CWH43: variants seen among roughly 807,000 people sequenced by gnomAD.
The protein encoded by CWH43 is PGAP2-interacting protein.
A neutral mutation model predicts 85.7 loss-of-function variants in CWH43; 91 were observed. The observed-to-expected ratio is 1.06, with a 90% CI of 0.90 to 1.26. CWH43 has a LOEUF of 1.26. CWH43 is among the 50% of genes most tolerant of loss of function. CWH43 has a pLI of 0.00. For missense variants in CWH43, 869 were observed against 839.2 expected (o/e 1.04, Z -0.44); for synonymous variants, 323 against 293.6 (o/e 1.10, Z -1.02).
chr4:49,030,522 A>G (rs1397655692), intron 10 of CWH43, among the ~76,000 whole-genome samples: 3 of 152,176 alleles, frequency 2.0e-5, no homozygotes, highest in Admixed American at 6.5e-5. Context: ...CATAAATTGG[A>G]TATTTGAGAA....
chr4:49,053,849 A>T (rs766585027), intron 15 of CWH43, among the ~76,000 whole-genome samples: 1 of 152,172 alleles, frequency 6.6e-6, no homozygotes, highest in African/African-American at 2.4e-5. Context: ...AGTAAGTATA[A>T]TGCAAATATT....
In CWH43 at chr4:49,031,746, A is replaced by G. The variant is rs1386601392; in HGVS notation, c.1508+786A>G. Among the ~76,000 whole-genome samples the G allele has an allele frequency of 2.0e-5, 3 of 152,136 alleles. No homozygotes were observed. The East Asian group carries it at 5.8e-4, about 29-fold the overall frequency. ...AGTGGAGATGGTGAGAAGAGGACAA[A>G]CTCAGGAACTATTTTAGAATAGAAC... On this transcript the variant is annotated intron_variant, in intron 11 of 15. Coordinates refer to ENST00000226432, the MANE Select transcript of CWH43 (RefSeq NM_025087.3).
intron 9 of CWH43, among the ~76,000 whole-genome samples, chr4:49,020,602 G>A (rs569059680): frequency 7.0e-4 from 106 of 152,156 alleles, no homozygotes; most frequent in African/African-American, 2.2e-3. Context: ...TCAAATTGTA[G>A]ATCTATTTTT....
At chr4:48,995,401 C>T (rs1782781654) in intron 5 of CWH43, among the ~76,000 whole-genome samples, 1 of 152,220 alleles carries the variant, frequency 6.6e-6, no homozygotes, top group Non-Finnish European at 1.5e-5. Context: ...AACTCTCTCT[C>T]TGCTCTTCCT....
At chr4:48,996,087 C>T (rs977008252) in intron 5 of CWH43, among the ~76,000 whole-genome samples, 10 of 152,122 alleles carry the variant, frequency 6.6e-5, no homozygotes, top group Non-Finnish European at 1.3e-4. Context: ...AACCCACTTG[C>T]GCTTCTCTGG....
At chr4:49,059,751 G>A (rs1387970255) in intron 15 of CWH43, among the ~76,000 whole-genome samples, 2 of 152,140 alleles carry the variant, frequency 1.3e-5, no homozygotes, top group Non-Finnish European at 2.9e-5. Context: ...GGGCCAGCCT[G>A]GTGCTGGGGT....
At chr4:49,014,525 T>G (rs1312712265) in intron 8 of CWH43, among the ~76,000 whole-genome samples, 3 of 152,014 alleles carry the variant, frequency 2.0e-5, no homozygotes, top group South Asian at 2.1e-4. Context: ...AGATTTTTTT[T>G]GTGTGTTTTC....
intron 13 of CWH43, 93 bp downstream of exon 13, chr4:49,038,273 C>A (rs2109817656): frequency 9.2e-7 from 1 of 1,089,640 alleles, no homozygotes. Context: ...CTAAAAATTT[C>A]ATGTGCAGTC....
chr4:49,025,319 G>T (rs752395169), intron 9 of CWH43, among the ~76,000 whole-genome samples: 10 of 151,606 alleles, frequency 6.6e-5, no homozygotes, highest in African/African-American at 9.7e-5. Flanking sequence ...TCCTTGATTG[G>T]CTTAATAGTC....
At chr4:49,004,049 C>T in intron 7 of CWH43, 57 bp downstream of exon 7, 1 of 1,492,028 alleles carries the variant, frequency 6.7e-7, no homozygotes, top group Admixed American at 2.0e-5. Flanking sequence ...TCCTTATGGA[C>T]TGACCAGGAT....
In CWH43 at chr4:48,992,164, G is replaced by A. The variant is rs1289654024; in HGVS notation, c.511+74G>A. 2.4e-6 allele frequency: 3 copies of A among 1,275,248 alleles called. No individual in the cohort carries two copies. Among genetic ancestry groups the A allele is most frequent in the Non-Finnish European group, 3.3e-6 (3 of 907,150 alleles). The allele number at this position is 1,275,248 out of a possible 1,614,324, so 79.0% of individuals were successfully genotyped here. On this transcript the variant is annotated intron_variant, in intron 4 of 15. Transcript: ENST00000226432. The surrounding 1 kb of genome is among the most constrained non-coding windows in gnomAD (Gnocchi z 4.3). ...ATGTGAATGTTGCACATCTTGGAAAGAAAATCTATAAAAGTAGTCTTTCTG... is the reference window on the plus strand; with the variant it reads ...ATGTGAATGTTGCACATCTTGGAAAAAAAATCTATAAAAGTAGTCTTTCTG...
At chr4:49,017,686 G>A (rs1177971960) in intron 9 of CWH43, among the ~76,000 whole-genome samples, 1 of 152,116 alleles carries the variant, frequency 6.6e-6, no homozygotes, top group Non-Finnish European at 1.5e-5. Flanking sequence ...ATTATCCCAT[G>A]GTTCTACAGG....
At chr4:49,018,107 C>T (rs1413178857) in intron 9 of CWH43, among the ~76,000 whole-genome samples, 1 of 152,024 alleles carries the variant, frequency 6.6e-6, no homozygotes, top group Non-Finnish European at 1.5e-5. Flanking sequence ...GCTGGGATTA[C>T]AGGCATAAGC....
intron 6 of CWH43, among the ~76,000 whole-genome samples, chr4:48,998,927 G>T (rs1387492685): frequency 1.3e-5 from 2 of 152,186 alleles, no homozygotes; most frequent in East Asian, 3.9e-4. Flanking sequence ...GGTTACAAGT[G>T]AGATTGACTG....
In CWH43 at chr4:49,028,629, G is replaced by A. The variant is rs1195841831; in HGVS notation, c.1267G>A (p.Ala423Thr). 4 of 1,610,856 alleles carry A rather than the reference G, an allele frequency of 2.5e-6. No individual in the cohort carries two copies. The highest frequency in any genetic ancestry group is 2.5e-6 in the Non-Finnish European group (3 of 1,177,876). ...AACTACCATTAAAACAATTCCTCAGGCACCAACCAAAGAGGTCTCTGCTGC... is the reference window on the plus strand; with the variant it reads ...AACTACCATTAAAACAATTCCTCAGACACCAACCAAAGAGGTCTCTGCTGC... Reference protein sequence around the residue: ...KAYERKLGKVAPTKEVSAAIW... With the variant: ...KAYERKLGKVTPTKEVSAAIW... Residue 423 changes from alanine (A) to threonine (T), a missense_variant and splice_region_variant, in exon 10 of 16, where the codon GCA becomes ACA. This residue lies in a region of CWH43 where 577 missense variants were observed against 513.1 expected (regional missense o/e 1.12). Coordinates refer to ENST00000226432, the MANE Select transcript of CWH43 (RefSeq NM_025087.3).
Position 48,986,305 on chromosome 4 carries a change from G to A in CWH43, c.-125G>A. 1 of 926,602 alleles carries A rather than the reference G, an allele frequency of 1.1e-6. No homozygotes were observed. The highest frequency in any genetic ancestry group is 1.6e-6 in the Non-Finnish European group (1 of 632,274). The allele number at this position is 926,602 out of a possible 1,614,324, so 57.4% of individuals were successfully genotyped here. ...GCTGGGGCTCACTTGGCAACGGGACGCGGGAACGAGGGGCGCGGACGCAGG... is the reference window on the plus strand; with the variant it reads ...GCTGGGGCTCACTTGGCAACGGGACACGGGAACGAGGGGCGCGGACGCAGG... On this transcript the variant is annotated 5_prime_UTR_variant, in exon 1 of 16. Transcript: ENST00000226432.
chr4:49,052,661 G>GATCCAA (rs1784834844), intron 15 of CWH43, among the ~76,000 whole-genome samples: 1 of 152,128 alleles, frequency 6.6e-6, no homozygotes, highest in South Asian at 2.1e-4. Flanking sequence ...ACTGCAGATT[G>GATCCAA]ATCCAAACCA....
At chr4:49,003,704 C>T in intron 6 of CWH43, 31 bp from the exon 7 acceptor site, 4 of 1,611,902 alleles carry the variant, frequency 2.5e-6, no homozygotes, top group Non-Finnish European at 3.4e-6. Flanking sequence ...CGACTGCTTT[C>T]CTGTCTGATT....
chr4:49,045,581 C>T (rs911660582), intron 14 of CWH43, among the ~76,000 whole-genome samples: 1 of 152,074 alleles, frequency 6.6e-6, no homozygotes, highest in African/African-American at 2.4e-5. Flanking sequence ...ACATGCAGTA[C>T]AGGTTTGTAG....
Sources: gnomAD v4.1 joint callset for allele counts (sites outside exome capture counted in the v4.1 genomes callset) on GRCh38, gnomAD v4.1.1 for gene constraint, gnomAD v4.1.1 regional missense constraint, Gnocchi (gnomAD v3.1) non-coding constraint, MANE v1.5 for transcripts, NCBI Gene and HGNC (gene_info 2026-07-23, HGNC 2026-07-21) for gene names.